Variants in DLG1 observed in about 807,000 individuals in gnomAD.
DLG1 encodes disks large homolog 1.
A neutral mutation model predicts 123.4 loss-of-function variants in DLG1; 42 were observed. The observed-to-expected ratio is 0.34, with a 90% CI of 0.27 to 0.44. The LOEUF is 0.44. Among genes scored for constraint, DLG1 ranks in the 20% least tolerant of loss-of-function variants. The pLI is 1.00. For synonymous variants in DLG1, 317 were observed against 356.2 expected, an observed-to-expected ratio of 0.89 and a Z score of 1.24; for missense variants, 942 against 1,082.6, an observed-to-expected ratio of 0.87 and a Z score of 1.82.
chr3:197,160,646 T>C lies in DLG1; in HGVS notation c.484-10850A>G, dbSNP rs80105993. ...TCTTATTACAGTAAGGCTGAAGTCA[T>C]TGTAACACTGTAATTTCCCCTAGAA... On this transcript the variant is annotated intron_variant, in intron 5 of 24. Transcript: ENST00000667157. 4.6e-5 allele frequency among the ~76,000 whole-genome samples: 7 copies of C among 152,282 alleles called. No individual in the cohort carries two copies. In the East Asian group the frequency reaches 1.4e-3, roughly 29 times the overall value.
At chr3:197,244,148 G>A (rs1750392187) in intron 4 of DLG1, among the ~76,000 whole-genome samples, 1 of 152,210 alleles carries the variant, frequency 6.6e-6, no homozygotes. Context: ...TTTTCCCCGT[G>A]TTGTGAGAGA....
chr3:197,163,442 G>C (rs1045921097), intron 5 of DLG1, among the ~76,000 whole-genome samples: 17 of 151,980 alleles, frequency 1.1e-4, no homozygotes, highest in Admixed American at 1.0e-3. Flanking sequence ...ACACACAACA[G>C]TCAAAAGGCG....
At chr3:197,165,338 T>G (rs1221427787) in intron 5 of DLG1, among the ~76,000 whole-genome samples, 1 of 152,234 alleles carries the variant, frequency 6.6e-6, no homozygotes, top group Non-Finnish European at 1.5e-5. Flanking sequence ...ATTTATTATT[T>G]CCTGTAGAAA....
At chr3:197,217,452 A>G (rs1734687652) in intron 4 of DLG1, among the ~76,000 whole-genome samples, 1 of 152,242 alleles carries the variant, frequency 6.6e-6, no homozygotes, top group African/African-American at 2.4e-5. Context: ...TAAAATTTGG[A>G]ATCAGTATGT....
In DLG1 at chr3:197,065,606, A is replaced by G. The variant is rs1738966915; in HGVS notation, c.2200+102T>C. Reference sequence around the variant, plus strand: ...GGAGGATGGAAGAGTAACTGATAAAATAAGTACAAACCATTAAAAAATGGT... The same window carrying G: ...GGAGGATGGAAGAGTAACTGATAAAGTAAGTACAAACCATTAAAAAATGGT... On this transcript the variant is annotated intron_variant, in intron 21 of 24. Coordinates refer to ENST00000667157, the MANE Select transcript of DLG1 (RefSeq NM_001366207.1). The G allele has an allele frequency of 1.9e-5, 19 of 1,018,190 alleles. No individual in the cohort carries two copies. In the East Asian group the frequency reaches 3.2e-4, roughly 17 times the overall value. The allele number at this position is 1,018,190 out of a possible 1,614,324, so 63.1% of individuals were successfully genotyped here.
chr3:197,293,375 T>A (rs1775856877), intron 3 of DLG1, among the ~76,000 whole-genome samples: 1 of 152,236 alleles, frequency 6.6e-6, no homozygotes, highest in Non-Finnish European at 1.5e-5. Flanking sequence ...TACTACCAAG[T>A]ATCTATCAGC....
chr3:197,198,559 A>C (rs1404642951), intron 4 of DLG1, among the ~76,000 whole-genome samples: 2 of 152,038 alleles, frequency 1.3e-5, no homozygotes, highest in Non-Finnish European at 2.9e-5. Flanking sequence ...ATAAGGGTCT[A>C]CTGTCCAGAA....
At position 197,283,857 on chromosome 3, in the gene DLG1, TTG is replaced by T. The variant is rs1472946756; in HGVS notation, c.152-1014_152-1013del. Among the ~76,000 whole-genome samples the T allele has an allele frequency of 1.5e-4, 20 of 135,942 alleles. No individual in the cohort carries two copies. In the South Asian group the frequency reaches 1.5e-3, roughly 10 times the overall value. 89.2% of individuals were successfully genotyped at this position (135,942 alleles called of 152,430 possible). A position where few individuals can be genotyped will look rare whatever the true frequency, so the allele number is the denominator to read the frequency against. On this transcript the variant is annotated intron_variant, in intron 3 of 24. Transcript: ENST00000667157. ...AAACTTAACTCCCTTTTCAGTTGGG[TTG>T]TTTTTTTTTTTTTTTTTTTTGAGAC...
intron 7 of DLG1, among the ~76,000 whole-genome samples, chr3:197,140,804 TC>T (rs1436455429): frequency 9.2e-5 from 14 of 152,208 alleles, no homozygotes; most frequent in Non-Finnish European, 1.9e-4. Context: ...CTGCCATCAG[TC>T]CCTGACATGT....
intron 5 of DLG1, among the ~76,000 whole-genome samples, chr3:197,160,261 A>G (rs1298957843): frequency 2.0e-5 from 3 of 152,300 alleles, no homozygotes; most frequent in Admixed American, 2.0e-4. Flanking sequence ...CAGGCTCCCA[A>G]ATGAATATAA....
intron 5 of DLG1, among the ~76,000 whole-genome samples, chr3:197,186,856 C>T (rs944119755): frequency 6.6e-6 from 1 of 152,064 alleles, no homozygotes; most frequent in Non-Finnish European, 1.5e-5. Flanking sequence ...GAGGTTACCA[C>T]CATGCCCAGT....
At chr3:197,104,814 C>G (rs984937450) in intron 14 of DLG1, 89 bp downstream of exon 14, 1 of 914,310 alleles carries the variant, frequency 1.1e-6, no homozygotes, top group African/African-American at 1.7e-5. Context: ...GGAAGTTTAG[C>G]TTGGAAGTTA....
intron 3 of DLG1, among the ~76,000 whole-genome samples, chr3:197,296,085 G>A (rs989378228): frequency 2.0e-4 from 30 of 152,176 alleles, no homozygotes; most frequent in African/African-American, 6.8e-4. Context: ...AAACATCTGT[G>A]CAACATCTTT....
At chr3:197,189,135 A>T (rs1362323510) in intron 5 of DLG1, among the ~76,000 whole-genome samples, 2 of 152,238 alleles carry the variant, frequency 1.3e-5, no homozygotes, top group Non-Finnish European at 2.9e-5. Flanking sequence ...CTTCTGACTC[A>T]GTAATCTGAC....
chr3:197,221,445 G>A (rs1578257534), intron 4 of DLG1, among the ~76,000 whole-genome samples: 1 of 152,056 alleles, frequency 6.6e-6, no homozygotes, highest in South Asian at 2.1e-4. Flanking sequence ...ACTTGAATCC[G>A]GGAGGTGGAG....
chr3:197,232,175 G>C (rs954753894), intron 4 of DLG1, among the ~76,000 whole-genome samples: 3 of 152,070 alleles, frequency 2.0e-5, no homozygotes, highest in African/African-American at 7.2e-5. Flanking sequence ...TACTCTGAGT[G>C]GCACTGTTCT....
intron 24 of DLG1, among the ~76,000 whole-genome samples, chr3:197,045,738 GA>G (rs1560278101): frequency 1.3e-5 from 2 of 152,072 alleles, no homozygotes; most frequent in African/African-American, 2.4e-5. Flanking sequence ...TGACAGAGTG[GA>G]ACCTTGTGTC....
chr3:197,138,446 T>A, intron 8 of DLG1, 55 bp from the exon 9 acceptor site: 2 of 1,002,652 alleles, frequency 2.0e-6, no homozygotes, highest in Non-Finnish European at 2.5e-6. Context: ...TAAATATAAA[T>A]TTTCCACTTT....
At chr3:197,168,761 G>A (rs1429264668) in intron 5 of DLG1, among the ~76,000 whole-genome samples, 1 of 152,040 alleles carries the variant, frequency 6.6e-6, no homozygotes, top group Non-Finnish European at 1.5e-5. Flanking sequence ...AAGTTTTTCT[G>A]TTGTTGTTTT....
Sources: allele counts gnomAD v4.1 joint callset (sites outside exome capture counted in the v4.1 genomes callset), GRCh38; gene constraint gnomAD v4.1.1; transcripts MANE v1.5; gene names NCBI Gene and HGNC (gene_info 2026-07-23, HGNC 2026-07-21).